The following CCDC74A variants were observed in gnomAD, a reference collection of about 807,000 sequenced individuals.
CCDC74A encodes coiled-coil domain containing 74A.
In CCDC74A, 38 loss-of-function variants were observed where a neutral mutation model predicts 37.6. The observed-to-expected ratio is 1.01, with a 90% CI of 0.78 to 1.33. The LOEUF (loss-of-function observed/expected upper bound fraction) is 1.33, where lower values mean the gene tolerates loss of function less well. Among genes scored for constraint, CCDC74A ranks in the 40% most tolerant of loss-of-function variants. The pLI is 0.00. For synonymous variants in CCDC74A, 134 were observed against 165.2 expected, an observed-to-expected ratio of 0.81 and a Z score of 1.45; for missense variants, 340 against 403.4, an observed-to-expected ratio of 0.84 and a Z score of 1.35.
chr2:131,529,790 T>C, intron 2 of CCDC74A, 99 bp downstream of exon 2: 2 of 1,563,584 alleles, frequency 1.3e-6, no homozygotes, highest in East Asian at 4.5e-5. Context: ...GGCCCCTGTA[T>C]GCCAACCCAG....
chr2:131,523,846 A>T (rs1200120726), upstream of CCDC74A, among the ~76,000 whole-genome samples: 1 of 151,668 alleles, frequency 6.6e-6, no homozygotes, highest in Non-Finnish European at 1.5e-5. Context: ...TTTCCTAAAC[A>T]CACTGCATGT....
At chr2:131,527,779 G>A (rs797016923), upstream of CCDC74A, 16 of 712,786 alleles carry the variant, frequency 2.2e-5, no homozygotes, top group African/African-American at 1.7e-4. Flanking sequence ...ACAGGCGTGA[G>A]CCCCGGCGCC....
upstream of CCDC74A, among the ~76,000 whole-genome samples, chr2:131,522,856 C>T (rs1249988867): frequency 3.9e-5 from 6 of 152,142 alleles, no homozygotes; most frequent in Admixed American, 2.6e-4. Flanking sequence ...AGTTAGATCC[C>T]CTAAAGGCCA....
chr2:131,532,843 G>C, intron 5 of CCDC74A, 21 bp from the exon 6 acceptor site: 4 of 1,612,838 alleles, frequency 2.5e-6, no homozygotes, highest in Non-Finnish European at 3.4e-6. Context: ...GCCCCACCAT[G>C]CCCCTGCCCC....
Position 131,533,463 on chromosome 2 carries a change from T to C in CCDC74A, c.*65T>C. ...AGCTGGAGACTGGCTCTCTATAGCATTTCCTGATACTTCCGCTACTTTTAG... is the reference window on the plus strand; with the variant it reads ...AGCTGGAGACTGGCTCTCTATAGCACTTCCTGATACTTCCGCTACTTTTAG... On this transcript the variant is annotated 3_prime_UTR_variant, in exon 8 of 8. Transcript: ENST00000409856. 1.3e-6 allele frequency: 2 copies of C among 1,591,474 alleles called. No individual in the cohort carries two copies. The highest frequency in any genetic ancestry group is 2.2e-5 in the South Asian group (2 of 89,470).
At chr2:131,529,613 A>C in intron 1 of CCDC74A, 34 bp from the exon 2 acceptor site, 1 of 1,613,966 alleles carries the variant, frequency 6.2e-7, no homozygotes, top group Non-Finnish European at 8.5e-7. Flanking sequence ...CTGTGGTTTC[A>C]CAAGTGCTGA....
At position 131,528,237 on chromosome 2, in the gene CCDC74A, C is replaced by T. The variant is rs1315625177; in HGVS notation, c.250+17C>T. 1 of 1,610,078 alleles carries T rather than the reference C, an allele frequency of 6.2e-7. No individual in the cohort carries two copies. Among genetic ancestry groups the T allele is most frequent in the Non-Finnish European group, 8.5e-7 (1 of 1,178,548 alleles). On this transcript the variant is annotated intron_variant, in intron 1 of 7. Transcript: ENST00000409856. ...AAAACAAGGGTGAGCCGGCGCGGGG[C>T]CCTAGGCCGGCCCTGCCTCCCCAGG...
intron 3 of CCDC74A, among the ~76,000 whole-genome samples, chr2:131,531,250 G>C (rs1681243621): frequency 6.6e-6 from 1 of 152,130 alleles, no homozygotes; most frequent in Non-Finnish European, 1.5e-5. Flanking sequence ...GCCGGGAGCA[G>C]AGAGCCTCTT....
upstream of CCDC74A, among the ~76,000 whole-genome samples, chr2:131,525,168 TA>T (rs893882830): frequency 2.8e-4 from 42 of 151,704 alleles, no homozygotes; most frequent in African/African-American, 3.9e-4. Context: ...TGTCATCTGT[TA>T]AAAAAAAATA....
intron 3 of CCDC74A, among the ~76,000 whole-genome samples, chr2:131,531,266 C>T (rs1479514709): frequency 1.3e-5 from 2 of 152,126 alleles, no homozygotes; most frequent in African/African-American, 2.4e-5. Flanking sequence ...CTCTTTTCCC[C>T]ACTCTGTGAG....
chr2:131,525,154 A>C (rs1053836081), upstream of CCDC74A, among the ~76,000 whole-genome samples: 16 of 152,136 alleles, frequency 1.1e-4, no homozygotes, highest in African/African-American at 3.4e-4. Context: ...TTTTTTGAGC[A>C]AACTGTCATC....
chr2:131,523,427 A>G (rs891367983), upstream of CCDC74A, among the ~76,000 whole-genome samples: 11 of 152,206 alleles, frequency 7.2e-5, no homozygotes, highest in Non-Finnish European at 1.5e-4. Flanking sequence ...CAGGAGTTTG[A>G]GACCAGCCTG....
upstream of CCDC74A, chr2:131,527,781 C>T (rs1298966338): frequency 2.8e-5 from 20 of 714,252 alleles, no homozygotes; most frequent in Non-Finnish European, 3.6e-5. Context: ...AGGCGTGAGC[C>T]CCGGCGCCCA....
intron 2 of CCDC74A, chr2:131,530,386 A>G (rs906791696): frequency 2.6e-6 from 4 of 1,548,866 alleles, no homozygotes; most frequent in African/African-American, 2.7e-5. Context: ...CCAGGGAGAC[A>G]TGGAGAAGGG....
chr2:131,532,127 T>C (rs1158304774), intron 4 of CCDC74A, among the ~76,000 whole-genome samples: 1 of 149,708 alleles, frequency 6.7e-6, no homozygotes. Context: ...GAAGGCTTGC[T>C]GCCCCTGGCC....
chr2:131,526,146 C>CTTTT (rs369118247), upstream of CCDC74A, among the ~76,000 whole-genome samples: 16 of 126,590 alleles, frequency 1.3e-4, no homozygotes, highest in Non-Finnish European at 3.3e-5. Flanking sequence ...CTTTTTTTTC[C>CTTTT]TTTTTTTTTT....
upstream of CCDC74A, among the ~76,000 whole-genome samples, chr2:131,524,506 G>A (rs1351816316): frequency 6.6e-6 from 1 of 152,088 alleles, no homozygotes; most frequent in Non-Finnish European, 1.5e-5. Context: ...AACCAGAGCG[G>A]GCAATAAGAG....
upstream of CCDC74A, among the ~76,000 whole-genome samples, chr2:131,525,638 C>T (rs1680270016): frequency 1.3e-5 from 2 of 151,898 alleles, no homozygotes; most frequent in South Asian, 4.2e-4. Flanking sequence ...AACTCCACCT[C>T]CTGAGTTCAA....
Position 131,533,138 on chromosome 2 carries a change from G to A in CCDC74A, c.809+69G>A, listed in dbSNP as rs568033389. On this transcript the variant is annotated intron_variant, in intron 7 of 7. Coordinates refer to ENST00000409856, the MANE Select transcript of CCDC74A (RefSeq NM_001258306.3). ...TGGGCCCCAGGGAGGGAGTGGGGAA[G>A]GGAGGGTGGCAGCGCAGAAGCAGAG... The A allele has an allele frequency of 1.4e-5, 22 of 1,611,796 alleles. No homozygotes were observed. In the African/African-American group the frequency reaches 2.0e-4, roughly 15 times the overall value.
Sources: gnomAD v4.1 joint callset for allele counts (sites outside exome capture counted in the v4.1 genomes callset) on GRCh38, gnomAD v4.1.1 for gene constraint, MANE v1.5 for transcripts, NCBI Gene and HGNC (gene_info 2026-07-23, HGNC 2026-07-21) for gene names.